Variants in ATAD1 observed in about 807,000 individuals in gnomAD.
ATAD1 encodes the protein outer mitochondrial transmembrane helix translocase.
In ATAD1, 18 loss-of-function variants were observed where a neutral mutation model predicts 42.7. The observed-to-expected ratio is 0.42, with a 90% confidence interval of 0.29 to 0.63. ATAD1 has a LOEUF of 0.63. ATAD1 is among the 20% of genes least tolerant of loss of function. The probability of loss-of-function intolerance (pLI) is 0.19; values close to 1 mark genes in which losing one functional copy is unlikely to be tolerated. For synonymous variants in ATAD1, 132 were observed against 143.1 expected (o/e 0.92, Z 0.55); for missense variants, 294 against 440.4 (o/e 0.67, Z 2.98).
chr10:87,757,280 AAAAAAAAC>A (rs972266636), intron 8 of ATAD1, among the ~76,000 whole-genome samples: 1 of 151,402 alleles, frequency 6.6e-6, no homozygotes, highest in Non-Finnish European at 1.5e-5. Context: ...ATTACAAAAA[AAAAAAAAC>A]AAAACACTCA....
upstream of ATAD1, among the ~76,000 whole-genome samples, chr10:87,822,305 A>T (rs762701098): frequency 6.6e-5 from 10 of 152,232 alleles, no homozygotes; most frequent in Non-Finnish European, 1.0e-4. Flanking sequence ...CTTCTGAATC[A>T]TATGAACCAT....
intron 9 of ATAD1, among the ~76,000 whole-genome samples, chr10:87,755,737 C>T (rs1215451256): frequency 1.3e-5 from 2 of 152,004 alleles, no homozygotes; most frequent in African/African-American, 4.8e-5. Context: ...GTCGAAATCC[C>T]GTCTCTACTA....
At chr10:87,781,448 T>C (rs2131866428) in intron 5 of ATAD1, among the ~76,000 whole-genome samples, 1 of 152,306 alleles carries the variant, frequency 6.6e-6, no homozygotes, top group East Asian at 1.9e-4. Flanking sequence ...ACTCAAAAAT[T>C]GAATTATTTT....
chr10:87,770,172 A>G (rs1444626648), intron 7 of ATAD1, among the ~76,000 whole-genome samples: 2 of 152,214 alleles, frequency 1.3e-5, no homozygotes, highest in Non-Finnish European at 2.9e-5. Context: ...CTGATAAATT[A>G]CAGAATATAA....
In ATAD1 at chr10:87,751,719, T is replaced by C. The variant is rs1437706555; in HGVS notation, c.*2968A>G. ...CTGAAAGATTTCTGTCAGCTCTAGA[T>C]GGAATTATTCTATGACTTCATTTGA... On this transcript the variant is annotated 3_prime_UTR_variant, in exon 10 of 10. Transcript: ENST00000680024. The C allele has an allele frequency of 2.6e-5, 4 of 152,212 alleles. No homozygotes were observed. The highest frequency in any genetic ancestry group is 1.3e-4 in the Admixed American group (2 of 15,282). The allele number at this position is 152,212 out of a possible 1,614,324, so 9.4% of individuals were successfully genotyped here. A position where few individuals can be genotyped will look rare whatever the true frequency, so the allele number is the denominator to read the frequency against.
At chr10:87,826,148 AAACAGC>A (rs1322963878) in intron 1 of ATAD1, among the ~76,000 whole-genome samples, 2 of 131,304 alleles carry the variant, frequency 1.5e-5, no homozygotes, top group East Asian at 4.3e-4. Context: ...TGGAACCAGA[AAACAGC>A]AGCAGCAGCA....
chr10:87,755,707 G>A (rs1854188730), intron 9 of ATAD1, among the ~76,000 whole-genome samples: 3 of 151,966 alleles, frequency 2.0e-5, no homozygotes, highest in African/African-American at 4.8e-5. Context: ...TCAGGAGTTC[G>A]AGACCAGCCT....
intron 2 of ATAD1, among the ~76,000 whole-genome samples, chr10:87,808,888 T>C (rs1237383760): frequency 6.6e-6 from 1 of 152,216 alleles, no homozygotes; most frequent in Non-Finnish European, 1.5e-5. Flanking sequence ...AGAACTGTAG[T>C]TATGCTAGCC....
In ATAD1 at chr10:87,828,749, C is replaced by T. The variant is rs565928335; in HGVS notation, c.-14+12438G>A. 2.6e-5 allele frequency among the ~76,000 whole-genome samples: 4 copies of T among 152,310 alleles called. No homozygotes were observed. The East Asian group carries it at 7.7e-4, about 29-fold the overall frequency. On this transcript the variant is annotated intron_variant, in intron 1 of 4. Transcript: ENST00000495903. Reference sequence around the variant, plus strand: ...TTAAAGCTTCAAAAACAGGCTGACTCTCTTGTTAGGAGCTAATGCAACTGA... The same window carrying T: ...TTAAAGCTTCAAAAACAGGCTGACTTTCTTGTTAGGAGCTAATGCAACTGA...
intron 6 of ATAD1, among the ~76,000 whole-genome samples, chr10:87,772,713 C>G (rs1855106401): frequency 6.6e-6 from 1 of 151,860 alleles, no homozygotes; most frequent in South Asian, 2.1e-4. Context: ...TAAAACATGG[C>G]CTATTGAGTA....
rs1444737971 is a variant in ATAD1 at position 87,754,874 on chromosome 10, C to A, written c.966-67G>T. 10 of 1,538,372 alleles carry A rather than the reference C, an allele frequency of 6.5e-6. No homozygotes were observed. The South Asian group carries it at 7.4e-5, about 11-fold the overall frequency. ...GAATATGCCTCCCTAAAATATTTTACCAAGATTTAAAAGAGATGCATGTGG... is the reference window on the plus strand; with the variant it reads ...GAATATGCCTCCCTAAAATATTTTAACAAGATTTAAAAGAGATGCATGTGG... On this transcript the variant is annotated intron_variant, in intron 9 of 9. Transcript: ENST00000680024.
intron 2 of ATAD1, among the ~76,000 whole-genome samples, chr10:87,798,026 C>T (rs1051446586): frequency 2.6e-5 from 4 of 152,192 alleles, no homozygotes; most frequent in South Asian, 2.1e-4. Context: ...CCTCCCTCGA[C>T]GTGCAGTGGC....
chr10:87,806,510 C>T (rs1856932135), intron 2 of ATAD1, among the ~76,000 whole-genome samples: 1 of 152,104 alleles, frequency 6.6e-6, no homozygotes, highest in Non-Finnish European at 1.5e-5. Context: ...TCATCTCTTG[C>T]TTTTCTTTAA....
chr10:87,786,847 G>C (rs12573349), intron 4 of ATAD1, among the ~76,000 whole-genome samples: 44,615 of 151,812 alleles, frequency 0.29, 6,757 homozygotes, highest in Non-Finnish European at 0.31. Flanking sequence ...CCCAGCTACT[G>C]GGGAGGCTGA....
chr10:87,764,296 T>C (rs879898430), intron 8 of ATAD1, among the ~76,000 whole-genome samples: 2 of 151,774 alleles, frequency 1.3e-5, no homozygotes, highest in African/African-American at 4.8e-5. Context: ...CCTGTCTCTA[T>C]GAAAAAATAC....
Position 87,753,875 on chromosome 10 carries a change from T to C in ATAD1, c.*812A>G, listed in dbSNP as rs1854110591. Reference sequence around the variant, plus strand: ...ACTGAGGTTTTTCAAACCCATTCTTTTGAAAGGCCTTTTAATCCACTTTCA... The same window carrying C: ...ACTGAGGTTTTTCAAACCCATTCTTCTGAAAGGCCTTTTAATCCACTTTCA... On this transcript the variant is annotated 3_prime_UTR_variant, in exon 10 of 10. Coordinates refer to ENST00000680024, the MANE Select transcript of ATAD1 (RefSeq NM_001321967.2). The C allele has an allele frequency of 6.6e-6, 1 of 152,602 alleles. No homozygotes were observed. Among genetic ancestry groups the C allele is most frequent in the Non-Finnish European group, 1.5e-5 (1 of 68,018 alleles). The allele number at this position is 152,602 out of a possible 1,614,324, so 9.5% of individuals were successfully genotyped here.
At chr10:87,824,345 C>T (rs1462515672) in intron 1 of ATAD1, among the ~76,000 whole-genome samples, 2 of 152,206 alleles carry the variant, frequency 1.3e-5, no homozygotes, top group Non-Finnish European at 1.5e-5. Flanking sequence ...GAAACTAGTC[C>T]AATCGGGGAG....
At chr10:87,783,741 A>G (rs1855681180) in intron 5 of ATAD1, among the ~76,000 whole-genome samples, 2 of 152,090 alleles carry the variant, frequency 1.3e-5, no homozygotes, top group Admixed American at 6.6e-5. Flanking sequence ...GTCATGACAT[A>G]CAGCAAAGGA....
At chr10:87,784,412 T>C (rs933279303) in intron 5 of ATAD1, 58 bp downstream of exon 5, 206 of 1,511,070 alleles carry the variant, frequency 1.4e-4, no homozygotes, top group Non-Finnish European at 1.8e-4. Context: ...TAAATCTGGT[T>C]ATCTAAATAT....
Sources: allele counts gnomAD v4.1 joint callset (sites outside exome capture counted in the v4.1 genomes callset), GRCh38; gene constraint gnomAD v4.1.1; transcripts MANE v1.5; gene names NCBI Gene and HGNC (gene_info 2026-07-23, HGNC 2026-07-21).